Variants in BICD1 observed in about 807,000 individuals in gnomAD.
BICD1 encodes protein bicaudal D homolog 1.
A neutral mutation model predicts 92.5 loss-of-function variants in BICD1; 35 were observed. The observed-to-expected ratio is 0.38, with a 90% CI of 0.29 to 0.50. BICD1 has a LOEUF of 0.50. Among genes scored for constraint, BICD1 ranks in the 20% least tolerant of loss-of-function variants. BICD1 has a pLI of 0.93. For synonymous variants in BICD1, 429 were observed against 465.1 expected, an observed-to-expected ratio of 0.92 and a Z score of 1.00; for missense variants, 950 against 1,189.8, an observed-to-expected ratio of 0.80 and a Z score of 2.97.
chr12:32,121,029 C>T (rs533495477), intron 1 of BICD1, among the ~76,000 whole-genome samples: 94 of 140,844 alleles, frequency 6.7e-4, no homozygotes, highest in African/African-American at 2.5e-3. Context: ...AGTGCAGTGG[C>T]GTGATCTCAG....
chr12:32,323,427 T>C (rs1948703849), intron 4 of BICD1, among the ~76,000 whole-genome samples: 1 of 152,214 alleles, frequency 6.6e-6, no homozygotes, highest in South Asian at 2.1e-4. Context: ...CAAAATTCCC[T>C]ATGAGGCGTT....
At chr12:32,339,766 G>A (rs1938288523) in intron 8 of BICD1, 1 of 985,274 alleles carries the variant, frequency 1.0e-6, no homozygotes, top group African/African-American at 1.7e-5. Context: ...TAAGCTTAAA[G>A]GCAGCTGTTA....
chr12:32,337,414 G>A lies in BICD1; in HGVS notation c.2253-85G>A, dbSNP rs2388988. 297,962 of 1,295,086 alleles carry A rather than the reference G, an allele frequency of 0.23. 39,494 individuals carry two copies. The highest frequency in any genetic ancestry group is 0.65 in the East Asian group (27,191 of 41,828). The allele number at this position is 1,295,086 out of a possible 1,614,324, so 80.2% of individuals were successfully genotyped here. A position where few individuals can be genotyped will look rare whatever the true frequency, so the allele number is the denominator to read the frequency against. The stretch of plus-strand genomic sequence containing the variant: ...CCAGTCTTCTAAATTTCTAAATTTC[G>A]GTCAAATTTATTACTTTTCAGCTTA... On this transcript the variant is annotated intron_variant, in intron 6 of 9. Transcript: ENST00000652176. This position sits in a 1 kb window ranked among gnomAD's most constrained non-coding sequence, Gnocchi z 4.7.
chr12:32,256,145 T>G (rs749397518), intron 2 of BICD1, among the ~76,000 whole-genome samples: 1 of 152,062 alleles, frequency 6.6e-6, no homozygotes, highest in Admixed American at 6.6e-5. Context: ...CTTGACCCCC[T>G]GGGCTCAAGC....
At chr12:32,212,702 C>T (rs970256787) in intron 1 of BICD1, among the ~76,000 whole-genome samples, 2 of 152,172 alleles carry the variant, frequency 1.3e-5, no homozygotes, top group African/African-American at 4.8e-5. Flanking sequence ...GGATTACAGG[C>T]GTGAGCCACC....
At chr12:32,109,222 T>G (rs2121119212) in intron 1 of BICD1, 1 of 152,456 alleles carries the variant, frequency 6.6e-6, no homozygotes, top group Admixed American at 6.5e-5. Flanking sequence ...TGCTACACCA[T>G]GAGCTTTGCA....
At chr12:32,217,654 T>G (rs1945399181) in intron 2 of BICD1, among the ~76,000 whole-genome samples, 1 of 152,152 alleles carries the variant, frequency 6.6e-6, no homozygotes, top group South Asian at 2.1e-4. Flanking sequence ...ATGAGACAGT[T>G]TTCAGGATAC....
chr12:32,334,661 C>T lies in BICD1; in HGVS notation c.2246C>T (p.Ala749Val). 1 of 1,608,644 alleles carries T rather than the reference C, an allele frequency of 6.2e-7. No individual in the cohort carries two copies. The highest frequency in any genetic ancestry group is 1.1e-5 in the South Asian group (1 of 90,220). The change falls in exon 6 of 10, where the codon GCA (alanine) becomes GTA (valine). Residue 749 changes from alanine (A) to valine (V), a missense_variant. Ala to Val is a moderately conservative substitution (Grantham distance 64). Coordinates refer to ENST00000652176, the MANE Select transcript of BICD1 (RefSeq NM_001714.4). ...TTCTCATCCCTGAGAGCAATGTTTG[C>T]AACAAGGTAACAGTATTTTCTTCCT... The part of the protein sequence containing the change: ...ATFSSLRAMF[A>V]TRCDEYVTQL...
intron 1 of BICD1, among the ~76,000 whole-genome samples, chr12:32,211,792 T>A (rs1475658694): frequency 6.6e-6 from 1 of 151,806 alleles, no homozygotes; most frequent in Non-Finnish European, 1.5e-5. Flanking sequence ...TAGTGAGGGA[T>A]CCTTTGCAGG....
At chr12:32,248,804 A>AGG (rs879779163) in intron 2 of BICD1, among the ~76,000 whole-genome samples, 1 of 152,154 alleles carries the variant, frequency 6.6e-6, no homozygotes, top group Non-Finnish European at 1.5e-5. Flanking sequence ...CTCAGCAAAG[A>AGG]GGGGGGTCTG....
intron 3 of BICD1, among the ~76,000 whole-genome samples, chr12:32,302,556 C>T (rs1393363508): frequency 2.6e-5 from 4 of 152,182 alleles, no homozygotes; most frequent in Middle Eastern, 3.2e-3. Flanking sequence ...CATTTCCATG[C>T]CATCATGTTT....
At chr12:32,306,789 C>A (rs546883775) in intron 4 of BICD1, among the ~76,000 whole-genome samples, 2 of 151,506 alleles carry the variant, frequency 1.3e-5, no homozygotes, top group African/African-American at 4.9e-5. Flanking sequence ...CTGAAGCGGG[C>A]GGATCACCTG....
chr12:32,151,862 G>A (rs1472154185), intron 1 of BICD1, among the ~76,000 whole-genome samples: 1 of 152,164 alleles, frequency 6.6e-6, no homozygotes, highest in Non-Finnish European at 1.5e-5. Context: ...CTCCTTCCCT[G>A]TGGCCATAGT....
chr12:32,319,362 G>T (rs1410682171), intron 4 of BICD1, among the ~76,000 whole-genome samples: 1 of 152,032 alleles, frequency 6.6e-6, no homozygotes, highest in Admixed American at 6.6e-5. Flanking sequence ...TGTGGTTTTT[G>T]TCATGTATTC....
intron 1 of BICD1, among the ~76,000 whole-genome samples, chr12:32,195,467 A>G (rs1944700798): frequency 6.6e-6 from 1 of 152,246 alleles, no homozygotes; most frequent in Non-Finnish European, 1.5e-5. Flanking sequence ...AAGACTAGAA[A>G]TAAACCCAAA....
chr12:32,252,115 T>TATTTATAATAAATATTA (rs1348493953), intron 2 of BICD1, among the ~76,000 whole-genome samples: 1 of 64,446 alleles, frequency 1.6e-5, no homozygotes, highest in Non-Finnish European at 3.2e-5. Context: ...ATATTATATA[T>TATTTATAATAAATATTA]TATATATTTA....
chr12:32,281,231 G>A (rs112678646), intron 2 of BICD1, among the ~76,000 whole-genome samples: 10 of 152,130 alleles, frequency 6.6e-5, no homozygotes, highest in Non-Finnish European at 1.5e-4. Flanking sequence ...GAACATGTTT[G>A]TTTTAAGCCA....
At chr12:32,372,449 C>A (rs1261926540) in intron 9 of BICD1, among the ~76,000 whole-genome samples, 1 of 152,116 alleles carries the variant, frequency 6.6e-6, no homozygotes, top group Non-Finnish European at 1.5e-5. Flanking sequence ...TTGGACAACT[C>A]CAGCTTGGGC....
chr12:32,117,705 T>TACACACACACACACACACAC (rs1187433090), intron 1 of BICD1, among the ~76,000 whole-genome samples: 159 of 84,688 alleles, frequency 1.9e-3, no homozygotes, highest in South Asian at 5.5e-3. Context: ...TATACACAAA[T>TACACACACACACACACACAC]ATATATACAC....
Sources: allele counts gnomAD v4.1 joint callset (sites outside exome capture counted in the v4.1 genomes callset), GRCh38; gene constraint gnomAD v4.1.1; non-coding constraint Gnocchi (gnomAD v3.1); transcripts MANE v1.5; gene names NCBI Gene and HGNC (gene_info 2026-07-23, HGNC 2026-07-21).